PLAGL1: variants seen among roughly 807,000 people sequenced by gnomAD.
PLAGL1 encodes PLAG1 like zinc finger 1, also known as zinc finger protein PLAGL1.
Under a neutral mutation model 4.6 loss-of-function variants are expected in PLAGL1, and 1 was observed. The observed-to-expected ratio is 0.22, with a 90% CI of 0.08 to 1.03. The LOEUF (loss-of-function observed/expected upper bound fraction) is 1.03, where lower values mean the gene tolerates loss of function less well. Ranked by LOEUF, PLAGL1 falls within the 50% of genes least tolerant of loss-of-function variation. The pLI is 0.58. For synonymous variants in PLAGL1, 240 were observed against 237.8 expected (o/e 1.01, Z -0.08); for missense variants, 464 against 570.4 (o/e 0.81, Z 1.90).
In PLAGL1 at chr6:144,027,071, A is replaced by C. The variant is rs1300060579; in HGVS notation, c.-151+37397T>G. Among the ~76,000 whole-genome samples the C allele has an allele frequency of 6.6e-6, 1 of 151,848 alleles. No homozygotes were observed. Among genetic ancestry groups the C allele is most frequent in the Non-Finnish European group, 1.5e-5 (1 of 68,002 alleles). ...CCGACTCTACAAAAACAAAATTAAA[A>C]AAATTAGTCAGCCGCGGTGGCATGC... On this transcript the variant is annotated intron_variant, in intron 1 of 3. Transcript: ENST00000437412. This position sits in a 1 kb window ranked among gnomAD's most constrained non-coding sequence, Gnocchi z 5.8.
At chr6:143,980,704 TTTCTC>T (rs1787748063) in intron 2 of PLAGL1, among the ~76,000 whole-genome samples, 1 of 152,228 alleles carries the variant, frequency 6.6e-6, no homozygotes. Context: ...TTGATTGAGT[TTTCTC>T]TTCACTGTTG....
chr6:144,009,088 T>C (rs1242518917), upstream of PLAGL1, among the ~76,000 whole-genome samples: 3 of 152,208 alleles, frequency 2.0e-5, no homozygotes, highest in African/African-American at 7.2e-5. Context: ...AGGAGCTCAC[T>C]ACATGTTCGG....
chr6:144,048,804 C>T lies in PLAGL1; in HGVS notation c.-151+15664G>A, dbSNP rs545878409. Reference sequence around the variant, plus strand: ...GCTATTAATATGTGGCTCCTCATTACTCATGCAAATTTCTGCAGCTGGCTT... The same window carrying T: ...GCTATTAATATGTGGCTCCTCATTATTCATGCAAATTTCTGCAGCTGGCTT... On this transcript the variant is annotated intron_variant, in intron 1 of 3. Transcript: ENST00000437412. This position sits in a 1 kb window ranked among gnomAD's most constrained non-coding sequence, Gnocchi z 4.8. Among the ~76,000 whole-genome samples the T allele has an allele frequency of 3.9e-5, 6 of 152,230 alleles. No individual in the cohort carries two copies. The highest frequency in any genetic ancestry group is 7.2e-5 in the African/African-American group (3 of 41,464).
chr6:144,002,202 A>G (rs1174662545), intron 1 of PLAGL1, among the ~76,000 whole-genome samples: 1 of 152,210 alleles, frequency 6.6e-6, no homozygotes, highest in Non-Finnish European at 1.5e-5. Flanking sequence ...TTTCAGAATA[A>G]AATGAATTTG....
In PLAGL1 at chr6:143,985,982, T is replaced by TTTTATATATATATATA. The variant is rs372792641; in HGVS notation, c.-583-809_-583-808insTATATATATATATAAA. ...TATATCAAATTATATATATATAAAA[T>TTTTATATATATATATA]TATATATATATATATATATATATAT... On this transcript the variant is annotated intron_variant, in intron 1 of 7. Coordinates refer to ENST00000674357, the MANE Select transcript of PLAGL1 (RefSeq NM_001317162.2). This position sits in a 1 kb window ranked among gnomAD's most constrained non-coding sequence, Gnocchi z 4.4. Among the ~76,000 whole-genome samples the TTTTATATATATATATA allele has an allele frequency of 9.0e-6, 1 of 111,576 alleles. No homozygotes were observed. Among genetic ancestry groups the TTTTATATATATATATA allele is most frequent in the Non-Finnish European group, 1.8e-5 (1 of 55,360 alleles). The allele number at this position is 111,576 out of a possible 152,430, so 73.2% of individuals were successfully genotyped here.
rs1291712283 is a variant in PLAGL1, at chr6:143,994,372, C to T, written c.-583-9198G>A. ...GCACTGTGTCATCTGAGAATATGAACATCTTTCCTCCGCTGTTTAAAAGCA... is the reference window on the plus strand; with the variant it reads ...GCACTGTGTCATCTGAGAATATGAATATCTTTCCTCCGCTGTTTAAAAGCA... On this transcript the variant is annotated intron_variant, in intron 1 of 7. Coordinates refer to ENST00000674357, the MANE Select transcript of PLAGL1 (RefSeq NM_001317162.2). The surrounding 1 kb of genome is among the most constrained non-coding windows in gnomAD (Gnocchi z 4.3). Among the ~76,000 whole-genome samples the T allele has an allele frequency of 2.0e-5, 3 of 152,282 alleles. No homozygotes were observed. Among genetic ancestry groups the T allele is most frequent in the Non-Finnish European group, 4.4e-5 (3 of 68,022 alleles).
intron 1 of PLAGL1, among the ~76,000 whole-genome samples, chr6:144,023,222 G>T (rs947187620): frequency 1.3e-5 from 2 of 152,194 alleles, no homozygotes; most frequent in Non-Finnish European, 2.9e-5. Flanking sequence ...CTCACCAGGA[G>T]TTTGTGGAAG....
rs1794726174 is a variant in PLAGL1, at chr6:144,008,098, G to C, written c.-592C>G. The C allele has an allele frequency of 6.6e-6, 1 of 151,764 alleles. No individual in the cohort carries two copies. Among genetic ancestry groups the C allele is most frequent in the African/African-American group, 2.4e-5 (1 of 41,388 alleles). 9.4% of individuals were successfully genotyped at this position (151,764 alleles called of 1,614,324 possible). A position where few individuals can be genotyped will look rare whatever the true frequency, so the allele number is the denominator to read the frequency against. On this transcript the variant is annotated 5_prime_UTR_variant, in exon 1 of 8. Transcript: ENST00000674357. The surrounding 1 kb of genome is among the most constrained non-coding windows in gnomAD (Gnocchi z 6.9). ...AGCACCCAAACACCTACCCTGCGGG[G>C]CGACGACCCCCGGAGCTCAGGCGAG...
In PLAGL1 at chr6:143,941,949, T is replaced by G; in HGVS notation, c.867A>C (p.Val289=). 1 of 1,603,968 alleles carries G rather than the reference T, an allele frequency of 6.2e-7. No homozygotes were observed. The highest frequency in any genetic ancestry group is 8.5e-7 in the Non-Finnish European group (1 of 1,174,220). Residue 289 remains valine (V), a synonymous_variant, in exon 8 of 8, where the codon GTA becomes GTC. Transcript: ENST00000674357. The surrounding 1 kb of genome is among the most constrained non-coding windows in gnomAD (Gnocchi z 6.0). ...GGGGTGGCGGAGGAGAGCCAGGGGATACCGAGGGGTGGAGGGAGGCCAGGG... is the reference window on the plus strand; with the variant it reads ...GGGGTGGCGGAGGAGAGCCAGGGGAGACCGAGGGGTGGAGGGAGGCCAGGG... ...PESLASLHPS[V]SPGSPPPPLP...
Position 143,941,090 on chromosome 6 carries a change from GTTAT to G in PLAGL1, c.*330_*333del, listed in dbSNP as rs1778479690. On this transcript the variant is annotated 3_prime_UTR_variant, in exon 8 of 8. Transcript: ENST00000674357. The surrounding 1 kb of genome is among the most constrained non-coding windows in gnomAD (Gnocchi z 6.0). ...CCCTTACTAGGCAGTGCCACATAAA[GTTAT>G]TTAGTTAACATTATGATCATGGCTT... 1 of 179,210 alleles carries G rather than the reference GTTAT, an allele frequency of 5.6e-6. No individual in the cohort carries two copies. The highest frequency in any genetic ancestry group is 1.9e-4 in the South Asian group (1 of 5,194). 11.1% of individuals were successfully genotyped at this position (179,210 alleles called of 1,614,324 possible).
rs1554263920 is a variant in PLAGL1, at chr6:143,985,982, T to TATATATATATATATA, written c.-583-809_-583-808insTATATATATATATAT. On this transcript the variant is annotated intron_variant, in intron 1 of 7. Coordinates refer to ENST00000674357, the MANE Select transcript of PLAGL1 (RefSeq NM_001317162.2). This position sits in a 1 kb window ranked among gnomAD's most constrained non-coding sequence, Gnocchi z 4.4. ...TATATCAAATTATATATATATAAAATTATATATATATATATATATATATAT... is the reference window on the plus strand; with the variant it reads ...TATATCAAATTATATATATATAAAATATATATATATATATATATATATATATATATATATATATAT... 1.2e-4 allele frequency among the ~76,000 whole-genome samples: 13 copies of TATATATATATATATA among 111,580 alleles called. 1 individual carries two copies. The highest frequency in any genetic ancestry group is 1.8e-4 in the Non-Finnish European group (10 of 55,350). 73.2% of individuals were successfully genotyped at this position (111,580 alleles called of 152,430 possible).
At chr6:143,977,916 G>T (rs1787078843) in intron 2 of PLAGL1, among the ~76,000 whole-genome samples, 2 of 152,096 alleles carry the variant, frequency 1.3e-5, no homozygotes, top group Admixed American at 1.3e-4. Context: ...GTTTATATGT[G>T]TATTTCAAGG....
rs1788672477 is a variant in PLAGL1 at position 143,984,791 on chromosome 6, T to G, written c.-544+344A>C. Among the ~76,000 whole-genome samples the G allele has an allele frequency of 6.6e-6, 1 of 152,110 alleles. No homozygotes were observed. Among genetic ancestry groups the G allele is most frequent in the African/African-American group, 2.4e-5 (1 of 41,434 alleles). On this transcript the variant is annotated intron_variant, in intron 2 of 7. Coordinates refer to ENST00000674357, the MANE Select transcript of PLAGL1 (RefSeq NM_001317162.2). The surrounding 1 kb of genome is among the most constrained non-coding windows in gnomAD (Gnocchi z 5.5). ...TAGACTATTTAAAAACAAAGATACATAAATATGTTTTGGAGGAAGACTAAT... is the reference window on the plus strand; with the variant it reads ...TAGACTATTTAAAAACAAAGATACAGAAATATGTTTTGGAGGAAGACTAAT...
In PLAGL1 at chr6:144,005,962, C is replaced by T. The variant is rs578066612; in HGVS notation, c.-584+2128G>A. On this transcript the variant is annotated intron_variant, in intron 1 of 7. Transcript: ENST00000674357. The surrounding 1 kb of genome is among the most constrained non-coding windows in gnomAD (Gnocchi z 4.6). ...CTTTTTAGTATTTCGTTTTTCATAA[C>T]AAAATTTGATTTTAGCTAAAATTAC... is the stretch of plus-strand genomic sequence containing the variant. 1.3e-5 allele frequency: 2 copies of T among 151,874 alleles called. No individual in the cohort carries two copies. The highest frequency in any genetic ancestry group is 2.9e-5 in the Non-Finnish European group (2 of 67,964). The allele number at this position is 151,874 out of a possible 1,614,324, so 9.4% of individuals were successfully genotyped here. A position where few individuals can be genotyped will look rare whatever the true frequency, so the allele number is the denominator to read the frequency against.
At chr6:144,041,394 C>T (rs1797718226) in intron 1 of PLAGL1, among the ~76,000 whole-genome samples, 1 of 151,872 alleles carries the variant, frequency 6.6e-6, no homozygotes, top group South Asian at 2.1e-4. Flanking sequence ...CAAGTGTTCT[C>T]ATTGTGCAAT....
intron 2 of PLAGL1, among the ~76,000 whole-genome samples, chr6:143,974,397 C>A (rs768874): frequency 6.8e-6 from 1 of 147,832 alleles, no homozygotes; most frequent in African/African-American, 2.5e-5. Context: ...GGTGGGGTTG[C>A]GGGGGAGGTC....
In PLAGL1 at chr6:143,978,822, T is replaced by C. The variant is rs1195902512; in HGVS notation, c.-544+6313A>G. ...GTTCTATAAACGCCAATTAAGTCAATGTGGTTGATAGCACTGTTCAAGTCT... is the reference window on the plus strand; with the variant it reads ...GTTCTATAAACGCCAATTAAGTCAACGTGGTTGATAGCACTGTTCAAGTCT... On this transcript the variant is annotated intron_variant, in intron 2 of 7. Transcript: ENST00000674357. This position sits in a 1 kb window ranked among gnomAD's most constrained non-coding sequence, Gnocchi z 4.6. Among the ~76,000 whole-genome samples, 1 of 152,198 alleles carries C rather than the reference T, an allele frequency of 6.6e-6. No individual in the cohort carries two copies. Among genetic ancestry groups the C allele is most frequent in the South Asian group, 2.1e-4 (1 of 4,834 alleles).
chr6:144,007,229 T>TA (rs1183771097), intron 1 of PLAGL1: 1 of 152,180 alleles, frequency 6.6e-6, no homozygotes, highest in Non-Finnish European at 1.5e-5. Flanking sequence ...ATTAATCACT[T>TA]ACCATGTGCT....
rs748799396 is a variant in PLAGL1, at chr6:143,945,634, C to T, written c.152+2351G>A. On this transcript the variant is annotated intron_variant, in intron 7 of 7. Coordinates refer to ENST00000674357, the MANE Select transcript of PLAGL1 (RefSeq NM_001317162.2). This position sits in a 1 kb window ranked among gnomAD's most constrained non-coding sequence, Gnocchi z 4.2. ...GGGATTACAGGCGTGTACCACCACG[C>T]CCAGCTAATTTTTTGTATTTTTAGT... Among the ~76,000 whole-genome samples, 1 of 152,130 alleles carries T rather than the reference C, an allele frequency of 6.6e-6. No homozygotes were observed. The highest frequency in any genetic ancestry group is 1.5e-5 in the Non-Finnish European group (1 of 68,026).
Sources: gnomAD v4.1 joint callset for allele counts (sites outside exome capture counted in the v4.1 genomes callset) on GRCh38, gnomAD v4.1.1 for gene constraint, Gnocchi (gnomAD v3.1) non-coding constraint, MANE v1.5 for transcripts, NCBI Gene and HGNC (gene_info 2026-07-23, HGNC 2026-07-21) for gene names.